Variants in CALN1 observed in about 807,000 individuals in gnomAD.
CALN1 encodes the protein calneuron 1.
CALN1 carries 17 observed loss-of-function variants against 30.6 expected under a neutral mutation model. The ratio of observed to expected loss-of-function variants is 0.56; its 90% confidence interval spans 0.38 to 0.83. The LOEUF (loss-of-function observed/expected upper bound fraction) is 0.83. Ranked by LOEUF, CALN1 falls within the 40% of genes least tolerant of loss-of-function variation. The pLI, the probability that CALN1 is intolerant of heterozygous loss-of-function variation, is 0.00. For synonymous variants in CALN1, 156 were observed against 131.4 expected (o/e 1.19, Z -1.28); for missense variants, 291 against 354.9 (o/e 0.82, Z 1.45).
At chr7:72,367,061 AGAC>A (rs1216838822) in intron 2 of CALN1, among the ~76,000 whole-genome samples, 1 of 152,216 alleles carries the variant, frequency 6.6e-6, no homozygotes, top group African/African-American at 2.4e-5. Context: ...GTTGAGTCAA[AGAC>A]GACAGATAAG....
chr7:71,984,263 T>A (rs1414718431), intron 5 of CALN1, among the ~76,000 whole-genome samples: 1 of 152,000 alleles, frequency 6.6e-6, no homozygotes, highest in East Asian at 1.9e-4. Context: ...CTTTGACCAT[T>A]TAAATGAGAA....
chr7:72,478,190 C>T, the CALN1 span, among the ~76,000 whole-genome samples: 8 of 150,710 alleles, frequency 5.3e-5, no homozygotes, highest in Admixed American at 2.7e-4. Context: ...CAGTAAGCAA[C>T]GTAGCAAGAC....
chr7:72,235,127 A>T (rs143773343), intron 3 of CALN1, among the ~76,000 whole-genome samples: 4 of 152,076 alleles, frequency 2.6e-5, no homozygotes, highest in Admixed American at 1.3e-4. Flanking sequence ...ACTAAAAATT[A>T]GCCAGTCATG....
chr7:72,495,425 T>A, the CALN1 span, among the ~76,000 whole-genome samples: 1 of 152,140 alleles, frequency 6.6e-6, no homozygotes, highest in Non-Finnish European at 1.5e-5. Context: ...CAGTAAATAT[T>A]GATTGAGACC....
chr7:72,380,593 C>T (rs1347663919), intron 2 of CALN1, among the ~76,000 whole-genome samples: 1 of 152,088 alleles, frequency 6.6e-6, no homozygotes, highest in Non-Finnish European at 1.5e-5. Flanking sequence ...GTTTTCAGTT[C>T]CCTGCAAGCT....
intron 6 of CALN1, among the ~76,000 whole-genome samples, chr7:71,803,202 C>T (rs1335724820): frequency 6.6e-6 from 1 of 152,012 alleles, no homozygotes; most frequent in Non-Finnish European, 1.5e-5. Flanking sequence ...TTCCTGAATT[C>T]AGAGGGGTGA....
Position 72,145,820 on chromosome 7 carries a change from T to C in CALN1, c.245-39526A>G, listed in dbSNP as rs954310955. ...TGGGATGCAAGGCTGGTTCAACATA[T>C]GCAAATCAATAAATGTAATCCAGCA... On this transcript the variant is annotated intron_variant, in intron 3 of 6. Coordinates refer to ENST00000395275, the MANE Select transcript of CALN1 (RefSeq NM_031468.4). Among the ~76,000 whole-genome samples the C allele has an allele frequency of 8.5e-5, 13 of 152,246 alleles. No homozygotes were observed. The South Asian group carries it at 1.2e-3, about 15-fold the overall frequency.
chr7:72,341,226 A>G (rs1277977302), intron 2 of CALN1, among the ~76,000 whole-genome samples: 2 of 152,190 alleles, frequency 1.3e-5, no homozygotes, highest in East Asian at 1.9e-4. Flanking sequence ...CCATGTCACC[A>G]AAGTGCCTTG....
intron 5 of CALN1, among the ~76,000 whole-genome samples, chr7:71,878,959 G>C (rs1792412267): frequency 6.6e-6 from 1 of 152,180 alleles, no homozygotes; most frequent in Admixed American, 6.5e-5. Context: ...GGGGTGCTGG[G>C]ACAGTGACTT....
At chr7:72,070,165 G>T (rs745478789) in intron 4 of CALN1, among the ~76,000 whole-genome samples, 7 of 152,180 alleles carry the variant, frequency 4.6e-5, no homozygotes, top group Non-Finnish European at 1.0e-4. Flanking sequence ...AACTAGTTTG[G>T]TCAGTCAACT....
At chr7:72,501,637 G>A in the CALN1 span, among the ~76,000 whole-genome samples, 19 of 151,170 alleles carry the variant, frequency 1.3e-4, no homozygotes, top group Admixed American at 7.3e-4. Flanking sequence ...TTGGCTGGGC[G>A]CAGTGGCTCA....
chr7:71,994,558 G>A (rs2129528121), intron 5 of CALN1, among the ~76,000 whole-genome samples: 1 of 150,082 alleles, frequency 6.7e-6, no homozygotes, highest in South Asian at 2.1e-4. Flanking sequence ...TTGAAGTGGT[G>A]TTATTCATCT....
At chr7:72,475,122 T>G in the CALN1 span, among the ~76,000 whole-genome samples, 1 of 152,158 alleles carries the variant, frequency 6.6e-6, no homozygotes, top group South Asian at 2.1e-4. Flanking sequence ...AATGGAAACC[T>G]TTCAGCAAAG....
chr7:71,944,594 C>CAAAAAAAAAAAAAAA (rs10677940), intron 5 of CALN1, among the ~76,000 whole-genome samples: 2 of 60,002 alleles, frequency 3.3e-5, no homozygotes, highest in Admixed American at 2.5e-4. Context: ...AACTCCATCC[C>CAAAAAAAAAAAAAAA]AAAAAAAAAA....
At chr7:72,433,133 G>GA (rs1480921685) in intron 1 of CALN1, among the ~76,000 whole-genome samples, 1 of 152,078 alleles carries the variant, frequency 6.6e-6, no homozygotes, top group Non-Finnish European at 1.5e-5. Context: ...ATTTTCCTCT[G>GA]AATCACTCAC....
intron 4 of CALN1, among the ~76,000 whole-genome samples, chr7:72,057,971 C>T (rs1037222888): frequency 1.3e-5 from 2 of 152,190 alleles, no homozygotes; most frequent in South Asian, 2.1e-4. Flanking sequence ...CTGTGGAACA[C>T]GTAGCACAGT....
intron 1 of CALN1, among the ~76,000 whole-genome samples, chr7:72,442,849 C>T (rs930153971): frequency 6.6e-6 from 1 of 151,972 alleles, no homozygotes; most frequent in Non-Finnish European, 1.5e-5. Flanking sequence ...TAGGATTGCA[C>T]TTTATGTAGG....
intron 5 of CALN1, among the ~76,000 whole-genome samples, chr7:71,874,180 T>C (rs548829263): frequency 6.7e-6 from 1 of 149,406 alleles, no homozygotes; most frequent in Non-Finnish European, 1.5e-5. Context: ...AAGGCTGAGA[T>C]ATGAGAATCG....
intron 2 of CALN1, among the ~76,000 whole-genome samples, chr7:72,393,636 C>T (rs1366971747): frequency 1.3e-5 from 2 of 152,276 alleles, no homozygotes; most frequent in Non-Finnish European, 1.5e-5. Context: ...TGGGCCCCCC[C>T]CAGGCAAATG....
Sources: gnomAD v4.1 joint callset for allele counts (sites outside exome capture counted in the v4.1 genomes callset) on GRCh38, gnomAD v4.1.1 for gene constraint, MANE v1.5 for transcripts, NCBI Gene and HGNC (gene_info 2026-07-23, HGNC 2026-07-21) for gene names.